Variants in ZFHX3 observed in about 807,000 individuals in gnomAD.
ZFHX3 encodes zinc finger homeobox protein 3.
A neutral mutation model predicts 279.1 loss-of-function variants in ZFHX3; 42 were observed. The ratio of observed to expected loss-of-function variants is 0.15; its 90% CI spans 0.12 to 0.19. The LOEUF (loss-of-function observed/expected upper bound fraction) is 0.19. ZFHX3 is among the 10% of genes least tolerant of loss of function. ZFHX3 has a pLI of 1.00. For synonymous variants in ZFHX3, 2,293 were observed against 1,957.8 expected, an observed-to-expected ratio of 1.17 and a Z score of -4.52; for missense variants, 4,981 against 4,754.0, an observed-to-expected ratio of 1.05 and a Z score of -1.40.
intron 3 of ZFHX3, among the ~76,000 whole-genome samples, chr16:72,928,494 G>A (rs1002165940): frequency 6.6e-6 from 1 of 152,012 alleles, no homozygotes; most frequent in African/African-American, 2.4e-5. Flanking sequence ...GGCTCACCAA[G>A]GCACCCTAAG....
At chr16:73,748,197 A>G (rs2142266808) in intron 1 of ZFHX3, among the ~76,000 whole-genome samples, 1 of 152,308 alleles carries the variant, frequency 6.6e-6, no homozygotes, top group East Asian at 1.9e-4. Flanking sequence ...ATATGCAAAA[A>G]TAATAATATT....
At chr16:72,838,498 G>A (rs1333324540) in intron 4 of ZFHX3, among the ~76,000 whole-genome samples, 1 of 152,166 alleles carries the variant, frequency 6.6e-6, no homozygotes, top group African/African-American at 2.4e-5. Flanking sequence ...GTCCAAAGTG[G>A]CCAGGGCCTA....
In ZFHX3 at chr16:72,804,221, A is replaced by G. The variant is rs1024174060; in HGVS notation, c.3865-4092T>C. On this transcript the variant is annotated intron_variant, in intron 7 of 9. Coordinates refer to ENST00000268489, the MANE Select transcript of ZFHX3 (RefSeq NM_006885.4). ...TTCCAAAATAACACAGTTGAAAAGG[A>G]GTAGCCTTGAGAAACTCTCAGTTCA... is the stretch of plus-strand genomic sequence containing the variant. Among the ~76,000 whole-genome samples, 4 of 152,356 alleles carry G rather than the reference A, an allele frequency of 2.6e-5. 1 individual carries two copies. The South Asian group carries it at 8.3e-4, about 32-fold the overall frequency.
intron 2 of ZFHX3, among the ~76,000 whole-genome samples, chr16:73,513,214 T>C (rs2143692020): frequency 6.6e-6 from 1 of 152,306 alleles, no homozygotes; most frequent in African/African-American, 2.4e-5. Flanking sequence ...AACTGAACAC[T>C]GACCATGGGG....
At chr16:72,993,374 C>T (rs931009968) in intron 1 of ZFHX3, among the ~76,000 whole-genome samples, 4 of 152,214 alleles carry the variant, frequency 2.6e-5, no homozygotes, top group African/African-American at 9.6e-5. Flanking sequence ...TTCCACCAGA[C>T]CTGTCCACAG....
At chr16:73,090,457 A>T (rs8050909) in intron 8 of ZFHX3, among the ~76,000 whole-genome samples, 3,307 of 152,324 alleles carry the variant, frequency 0.022, 114 homozygotes, top group African/African-American at 0.076. Context: ...CATAAGGCAA[A>T]AAGTATTCTG....
At chr16:73,008,952 A>G (rs1263317078) in intron 1 of ZFHX3, among the ~76,000 whole-genome samples, 1 of 150,418 alleles carries the variant, frequency 6.6e-6, no homozygotes, top group African/African-American at 2.5e-5. Context: ...GTGTGTATAT[A>G]TATGTTAAAA....
intron 1 of ZFHX3, among the ~76,000 whole-genome samples, chr16:73,034,035 G>T (rs1964808535): frequency 6.6e-6 from 1 of 151,828 alleles, no homozygotes; most frequent in African/African-American, 2.4e-5. Flanking sequence ...ATGGTACCAA[G>T]GCTGAAATCA....
chr16:73,631,270 C>T (rs2052466223), intron 2 of ZFHX3, among the ~76,000 whole-genome samples: 2 of 152,166 alleles, frequency 1.3e-5, no homozygotes, highest in African/African-American at 2.4e-5. Flanking sequence ...TTAATTCCTC[C>T]TCCAGATATG....
chr16:72,980,771 T>A (rs1043386646), intron 1 of ZFHX3, among the ~76,000 whole-genome samples: 13 of 152,156 alleles, frequency 8.5e-5, no homozygotes, highest in Admixed American at 5.2e-4. Context: ...GTCAGTTTTG[T>A]TAGGGAATAA....
chr16:73,706,949 T>C (rs762908996), intron 1 of ZFHX3, among the ~76,000 whole-genome samples: 7 of 152,206 alleles, frequency 4.6e-5, no homozygotes, highest in African/African-American at 4.8e-5. Flanking sequence ...TGGCAGTGTA[T>C]TGCACACAGT....
At chr16:72,902,383 G>A (rs894069413) in intron 3 of ZFHX3, among the ~76,000 whole-genome samples, 1 of 152,206 alleles carries the variant, frequency 6.6e-6, no homozygotes, top group African/African-American at 2.4e-5. Flanking sequence ...AGGTGGGGCT[G>A]AGGCCCAGAG....
intron 3 of ZFHX3, among the ~76,000 whole-genome samples, chr16:72,915,965 G>A (rs764783636): frequency 9.9e-5 from 15 of 152,080 alleles, no homozygotes; most frequent in Non-Finnish European, 1.8e-4. Flanking sequence ...GCATTTCAAC[G>A]TTTCACTTCA....
intron 3 of ZFHX3, among the ~76,000 whole-genome samples, chr16:73,390,923 C>T (rs759997459): frequency 3.3e-5 from 5 of 151,998 alleles, no homozygotes; most frequent in East Asian, 1.9e-4. Flanking sequence ...TCCAATTTAA[C>T]GCCATCATTA....
At chr16:73,735,269 A>T (rs2059765839) in intron 1 of ZFHX3, among the ~76,000 whole-genome samples, 1 of 151,312 alleles carries the variant, frequency 6.6e-6, no homozygotes, top group Admixed American at 6.6e-5. Flanking sequence ...CCTGAGTCAT[A>T]GGGTTATGAG....
intron 3 of ZFHX3, among the ~76,000 whole-genome samples, chr16:73,327,612 A>C (rs952706268): frequency 6.6e-6 from 1 of 152,246 alleles, no homozygotes; most frequent in African/African-American, 2.4e-5. Context: ...ATTGGACTTC[A>C]TTCTGAAAAT....
chr16:73,483,387 G>A (rs1376634023), intron 2 of ZFHX3: 2 of 455,670 alleles, frequency 4.4e-6, no homozygotes, highest in Non-Finnish European at 8.8e-6. Flanking sequence ...AGAGAGCCGG[G>A]AGCCAGGGTA....
At chr16:73,540,159 G>A (rs947408203) in intron 2 of ZFHX3, among the ~76,000 whole-genome samples, 2 of 152,184 alleles carry the variant, frequency 1.3e-5, no homozygotes, top group Non-Finnish European at 2.9e-5. Flanking sequence ...TCTTTGGCCT[G>A]ACGTGCCTGC....
intron 5 of ZFHX3, among the ~76,000 whole-genome samples, chr16:73,179,447 A>G (rs549559889): frequency 1.3e-5 from 2 of 152,342 alleles, no homozygotes; most frequent in African/African-American, 4.8e-5. Flanking sequence ...CAAAGGTTAT[A>G]TTGAAATCAA....
Sources: allele counts gnomAD v4.1 joint callset (sites outside exome capture counted in the v4.1 genomes callset), GRCh38; gene constraint gnomAD v4.1.1; transcripts MANE v1.5; gene names NCBI Gene and HGNC (gene_info 2026-07-23, HGNC 2026-07-21).